TTLL9: variants seen among roughly 807,000 people sequenced by gnomAD.
TTLL9 encodes probable tubulin polyglutamylase TTLL9.
TTLL9 carries 47 observed loss-of-function variants against 65.6 expected under a neutral mutation model. The ratio of observed to expected loss-of-function variants is 0.72; its 90% CI spans 0.57 to 0.91. The LOEUF is 0.91. Ranked by LOEUF, TTLL9 falls within the 40% of genes least tolerant of loss-of-function variation. The pLI, the probability that TTLL9 is intolerant of heterozygous loss-of-function variation, is 0.00. For missense variants in TTLL9, 537 were observed against 568.8 expected (o/e 0.94, Z 0.57); for synonymous variants, 179 against 204.8 (o/e 0.87, Z 1.07).
intron 14 of TTLL9, among the ~76,000 whole-genome samples, chr20:31,942,443 C>T (rs761218929): frequency 6.6e-6 from 1 of 152,146 alleles, no homozygotes; most frequent in Non-Finnish European, 1.5e-5. Flanking sequence ...GGGAAGAAAG[C>T]TAACAGTACT....
At chr20:31,886,460 T>A (rs2063188983) in intron 2 of TTLL9, among the ~76,000 whole-genome samples, 1 of 152,182 alleles carries the variant, frequency 6.6e-6, no homozygotes, top group Admixed American at 6.6e-5. Context: ...TGAACATTGC[T>A]CTGAGTCTTT....
intron 2 of TTLL9, among the ~76,000 whole-genome samples, chr20:31,886,562 G>C (rs2123411485): frequency 6.6e-6 from 1 of 151,092 alleles, no homozygotes; most frequent in East Asian, 1.9e-4. Context: ...GCTCACACCT[G>C]TAATTCCAGC....
Position 31,914,802 on chromosome 20 carries a change from A to T in TTLL9, c.504+4880A>T, listed in dbSNP as rs145843143. ...TGTCTCTCAGGAATGGCCGGTCTTC[A>T]TATCCCCTGGGGCTTAGTCACTGAC... On this transcript the variant is annotated intron_variant, in intron 6 of 14. Transcript: ENST00000535842. Among the ~76,000 whole-genome samples the T allele has an allele frequency of 7.2e-5, 11 of 152,298 alleles. No homozygotes were observed. The East Asian group carries it at 1.9e-3, about 27-fold the overall frequency.
intron 2 of TTLL9, among the ~76,000 whole-genome samples, chr20:31,882,913 C>T (rs995410288): frequency 1.3e-4 from 20 of 152,084 alleles, no homozygotes; most frequent in African/African-American, 3.9e-4. Flanking sequence ...CTAACACACA[C>T]ACACAAAAAG....
Position 31,937,426 on chromosome 20 carries a change from A to G in TTLL9, c.1035A>G (p.Ser345=). ...PWLLEVNASP[S]LTASSQEDYE... ...TCCTGGAGGTCAATGCGTCCCCATC[A>G]CTGACAGCCAGCAGCCAGGAAGACT... Residue 345 remains serine (S), a synonymous_variant, in exon 13 of 15, where the codon TCA becomes TCG. Coordinates refer to ENST00000535842, the MANE Select transcript of TTLL9 (RefSeq NM_001008409.5). The G allele has an allele frequency of 6.2e-7, 1 of 1,613,540 alleles. No homozygotes were observed. The highest frequency in any genetic ancestry group is 8.5e-7 in the Non-Finnish European group (1 of 1,179,764).
At chr20:31,925,185 A>G in intron 9 of TTLL9, 136 bp downstream of exon 9, 1 of 886,844 alleles carries the variant, frequency 1.1e-6, no homozygotes, top group Non-Finnish European at 1.7e-6. Flanking sequence ...TCCCCGAGGG[A>G]CATCTAGGGA....
chr20:31,900,567 A>C (rs2063463707), intron 4 of TTLL9, among the ~76,000 whole-genome samples: 1 of 152,214 alleles, frequency 6.6e-6, no homozygotes, highest in Non-Finnish European at 1.5e-5. Context: ...TCAAGACACC[A>C]GCGTCTTCTC....
chr20:31,880,184 A>G (rs1397638691), intron 2 of TTLL9, among the ~76,000 whole-genome samples: 1 of 152,042 alleles, frequency 6.6e-6, no homozygotes, highest in Non-Finnish European at 1.5e-5. Flanking sequence ...CAACAGTGGG[A>G]CTCTAAGCTC....
Position 31,871,195 on chromosome 20 carries a change from GGTGAAT to G in TTLL9, c.69+3_69+8del, listed in dbSNP as rs910561703. On this transcript the variant is annotated splice_donor_variant and splice_donor_5th_base_variant and intron_variant, in intron 2 of 14. Coordinates refer to ENST00000535842, the MANE Select transcript of TTLL9 (RefSeq NM_001008409.5). LOFTEE classifies it high-confidence loss of function. ...CCATTAGGTGCCCCAAGAAATTACA[GGTGAAT>G]GTTGGGAGAGGGGTTTGAGGGAGGG... is the stretch of plus-strand genomic sequence containing the variant. The G allele has an allele frequency of 6.2e-7, 1 of 1,614,104 alleles. No homozygotes were observed. The highest frequency in any genetic ancestry group is 1.3e-5 in the African/African-American group (1 of 75,038).
At chr20:31,925,171 G>A (rs905065040) in intron 9 of TTLL9, 122 bp downstream of exon 9, 31 of 1,032,300 alleles carry the variant, frequency 3.0e-5, no homozygotes, top group Non-Finnish European at 4.5e-5. Context: ...CTCTCCCTGG[G>A]AGATCCCCGA....
intron 7 of TTLL9, among the ~76,000 whole-genome samples, chr20:31,921,834 G>A (rs909024528): frequency 6.6e-6 from 1 of 152,094 alleles, no homozygotes; most frequent in Non-Finnish European, 1.5e-5. Flanking sequence ...GGGGTGGAAG[G>A]AGGGGGGAGG....
intron 2 of TTLL9, chr20:31,879,982 T>C: frequency 9.4e-6 from 5 of 529,754 alleles, no homozygotes; most frequent in Non-Finnish European, 1.3e-5. Context: ...CGGTTGGGGA[T>C]GGGTGTTCCT....
chr20:31,938,222 A>G (rs1002389925), intron 13 of TTLL9: 1 of 456,748 alleles, frequency 2.2e-6, no homozygotes, highest in Admixed American at 2.4e-5. Context: ...ACTGGGACAC[A>G]TTCCCATTCC....
chr20:31,929,592 CT>C (rs879834082), intron 10 of TTLL9, among the ~76,000 whole-genome samples: 409 of 146,074 alleles, frequency 2.8e-3, no homozygotes, highest in African/African-American at 6.7e-3. Flanking sequence ...TCCTTGTAGA[CT>C]TTTTTTTTTT....
In TTLL9 at chr20:31,887,204, T is replaced by C. The variant is rs1490088628; in HGVS notation, c.78T>C (p.Asn26=). ...TCCTTTCCTCATTGCAGAACCAAAA[T>C]TACAAGGGCCATGGATTGTCAAAGG... The part of the protein sequence containing the change: ...IRCPKKLQNQ[N]YKGHGLSKGK... Residue 26 remains asparagine, a synonymous_variant, in exon 3 of 15, where the codon AAT becomes AAC. Transcript: ENST00000535842. 1 of 1,614,144 alleles carries C rather than the reference T, an allele frequency of 6.2e-7. No individual in the cohort carries two copies. The highest frequency in any genetic ancestry group is 1.7e-5 in the Admixed American group (1 of 60,016).
intron 3 of TTLL9, among the ~76,000 whole-genome samples, chr20:31,894,001 G>A (rs546060429): frequency 6.6e-6 from 1 of 150,926 alleles, no homozygotes; most frequent in Non-Finnish European, 1.5e-5. Flanking sequence ...CAAATGTACG[G>A]TTTTTCCTTC....
chr20:31,936,982 C>T (rs2064120665), intron 12 of TTLL9, among the ~76,000 whole-genome samples: 1 of 151,676 alleles, frequency 6.6e-6, no homozygotes, highest in South Asian at 2.1e-4. Flanking sequence ...CCTGTAATCC[C>T]AGCTATTCGG....
In TTLL9 at chr20:31,871,213, G is replaced by A; in HGVS notation, c.69+18G>A. The A allele has an allele frequency of 6.2e-7, 1 of 1,613,298 alleles. No individual in the cohort carries two copies. Among genetic ancestry groups the A allele is most frequent in the Non-Finnish European group, 8.5e-7 (1 of 1,179,260 alleles). ...AATTACAGGTGAATGTTGGGAGAGG[G>A]GTTTGAGGGAGGGTTCCAGTCTGAA... On this transcript the variant is annotated intron_variant, in intron 2 of 14. Coordinates refer to ENST00000535842, the MANE Select transcript of TTLL9 (RefSeq NM_001008409.5).
intron 3 of TTLL9, among the ~76,000 whole-genome samples, chr20:31,896,555 A>G (rs192046013): frequency 6.6e-6 from 1 of 151,876 alleles, no homozygotes; most frequent in African/African-American, 2.4e-5. Flanking sequence ...TTTTTGAGAC[A>G]GTCTCTCTCT....
Sources: allele counts gnomAD v4.1 joint callset (sites outside exome capture counted in the v4.1 genomes callset), GRCh38; gene constraint gnomAD v4.1.1; transcripts MANE v1.5; gene names NCBI Gene and HGNC (gene_info 2026-07-23, HGNC 2026-07-21).